The following MITF variants were observed in gnomAD, a reference collection of about 807,000 sequenced individuals.
MITF encodes microphthalmia-associated transcription factor.
Under a neutral mutation model 60.5 loss-of-function variants are expected in MITF, and 17 were observed. The observed-to-expected ratio is 0.28, with a 90% CI of 0.19 to 0.42. MITF has a LOEUF of 0.42. Among genes scored for constraint, MITF ranks in the 10% least tolerant of loss-of-function variants. The pLI is 1.00. For missense variants in MITF, 622 were observed against 683.5 expected (o/e 0.91, Z 1.00); for synonymous variants, 260 against 248.5 (o/e 1.05, Z -0.43).
rs34396439 is a variant in MITF at position 69,802,683 on chromosome 3, C to CT, written c.104+63008dup. ...TGTGTGCTAGTCCACAGTCCATATT[C>CT]TTTTTTTTTTTTTTTTTTTTTTTTT... is the stretch of plus-strand genomic sequence containing the variant. On this transcript the variant is annotated intron_variant, in intron 1 of 9. Coordinates refer to ENST00000352241, the MANE Select transcript of MITF (RefSeq NM_001354604.2). Among the ~76,000 whole-genome samples, 391 of 66,244 alleles carry CT rather than the reference C, an allele frequency of 5.9e-3. 12 individuals carry two copies. Among genetic ancestry groups the CT allele is most frequent in the African/African-American group, 8.0e-3 (120 of 15,060 alleles). 43.5% of individuals were successfully genotyped at this position (66,244 alleles called of 152,430 possible).
chr3:69,963,420 C>T (rs2107548050), intron 9 of MITF, among the ~76,000 whole-genome samples: 1 of 152,224 alleles, frequency 6.6e-6, no homozygotes, highest in Admixed American at 6.5e-5. Flanking sequence ...ATCTTTTTAC[C>T]ATCCCCCTAG....
At chr3:69,875,540 G>A (rs745866574) in intron 1 of MITF, among the ~76,000 whole-genome samples, 32 of 152,126 alleles carry the variant, frequency 2.1e-4, no homozygotes, top group Non-Finnish European at 4.0e-4. Context: ...ATTATCTAGC[G>A]AAGATTCAGC....
At chr3:69,861,738 T>C (rs2064020464) in intron 1 of MITF, among the ~76,000 whole-genome samples, 1 of 152,180 alleles carries the variant, frequency 6.6e-6, no homozygotes, top group Admixed American at 6.5e-5. Flanking sequence ...ACACACATGC[T>C]GGGAAAACTA....
At chr3:69,866,494 T>C in intron 1 of MITF, 1 of 878,242 alleles carries the variant, frequency 1.1e-6, no homozygotes, top group South Asian at 1.9e-5. Flanking sequence ...TTTAATCAGC[T>C]TCAGCTGTAA....
intron 1 of MITF, among the ~76,000 whole-genome samples, chr3:69,754,927 G>C (rs568153719): frequency 3.1e-4 from 47 of 152,218 alleles, no homozygotes; most frequent in African/African-American, 1.1e-3. Context: ...GTGGGGGTTG[G>C]GGGGAGAGGA....
intron 1 of MITF, among the ~76,000 whole-genome samples, chr3:69,811,609 A>G (rs1398025794): frequency 6.6e-6 from 1 of 152,210 alleles, no homozygotes; most frequent in Non-Finnish European, 1.5e-5. Context: ...TTCCTTTGCC[A>G]CAGCTAATCA....
At chr3:69,914,431 CT>C (rs2065290084) in intron 2 of MITF, among the ~76,000 whole-genome samples, 1 of 152,124 alleles carries the variant, frequency 6.6e-6, no homozygotes, top group African/African-American at 2.4e-5. Context: ...CTGAACAACT[CT>C]GTTTTTGAGG....
intron 4 of MITF, among the ~76,000 whole-genome samples, chr3:69,940,264 C>A (rs2065939090): frequency 6.6e-6 from 1 of 152,122 alleles, no homozygotes; most frequent in Non-Finnish European, 1.5e-5. Context: ...GGATTCTCTC[C>A]TCTTTAATGG....
intron 2 of MITF, among the ~76,000 whole-genome samples, chr3:69,926,483 A>C (rs115699516): frequency 2.0e-5 from 3 of 152,122 alleles, no homozygotes; most frequent in African/African-American, 7.2e-5. Flanking sequence ...GTCGGTACTT[A>C]TGAGAAGGAG....
chr3:69,965,573 T>C lies in MITF; in HGVS notation c.*325T>C, dbSNP rs957700144. On this transcript the variant is annotated 3_prime_UTR_variant, in exon 10 of 10. Transcript: ENST00000352241. Reference sequence around the variant, plus strand: ...TGTCCATTTTTATTCAGGGGAAACTTGATTTGAGATTTTTATGCCTGTGAC... The same window carrying C: ...TGTCCATTTTTATTCAGGGGAAACTCGATTTGAGATTTTTATGCCTGTGAC... 2 of 263,120 alleles carry C rather than the reference T, an allele frequency of 7.6e-6. No homozygotes were observed. Among genetic ancestry groups the C allele is most frequent in the Admixed American group, 9.7e-5 (2 of 20,574 alleles). 16.3% of individuals were successfully genotyped at this position (263,120 alleles called of 1,614,324 possible).
intron 1 of MITF, among the ~76,000 whole-genome samples, chr3:69,753,066 C>A (rs931034074): frequency 6.6e-6 from 1 of 152,248 alleles, no homozygotes; most frequent in Non-Finnish European, 1.5e-5. Context: ...CCATCATGGG[C>A]CCAGAAGCCT....
chr3:69,913,672 T>C (rs1357142296), intron 2 of MITF, among the ~76,000 whole-genome samples: 1 of 152,160 alleles, frequency 6.6e-6, no homozygotes, highest in Non-Finnish European at 1.5e-5. Context: ...GCACAGCTCA[T>C]TGGACAGGAA....
At chr3:69,953,278 G>A (rs2066302136) in intron 7 of MITF, among the ~76,000 whole-genome samples, 2 of 152,074 alleles carry the variant, frequency 1.3e-5, no homozygotes, top group African/African-American at 4.8e-5. Context: ...AACTACTTAA[G>A]TGAGATGTGG....
At chr3:69,830,695 G>C (rs1421943400) in intron 1 of MITF, among the ~76,000 whole-genome samples, 3 of 152,128 alleles carry the variant, frequency 2.0e-5, no homozygotes, top group East Asian at 3.9e-4. Flanking sequence ...TGGGTGCTCA[G>C]TAAATGAAAA....
chr3:69,846,971 C>G (rs186968604), intron 1 of MITF, among the ~76,000 whole-genome samples: 1 of 151,800 alleles, frequency 6.6e-6, no homozygotes, highest in East Asian at 1.9e-4. Context: ...ATATTTTCTG[C>G]ACTTAGCAAG....
intron 1 of MITF, among the ~76,000 whole-genome samples, chr3:69,834,543 A>G (rs571034383): frequency 1.3e-5 from 2 of 152,246 alleles, no homozygotes; most frequent in Non-Finnish European, 2.9e-5. Context: ...CATTCTGTAT[A>G]TATACTACAT....
At chr3:69,964,107 G>C (rs989142600) in intron 9 of MITF, among the ~76,000 whole-genome samples, 4 of 151,032 alleles carry the variant, frequency 2.6e-5, no homozygotes, top group Non-Finnish European at 4.4e-5. Context: ...CTCCCAAGTA[G>C]CTGGGATTAC....
At chr3:69,798,910 A>C (rs530911970) in intron 1 of MITF, among the ~76,000 whole-genome samples, 1 of 152,184 alleles carries the variant, frequency 6.6e-6, no homozygotes, top group South Asian at 2.1e-4. Flanking sequence ...CATCACCTTC[A>C]TTTTGCCTTG....
At chr3:69,768,421 G>C (rs544095003) in intron 1 of MITF, among the ~76,000 whole-genome samples, 4 of 152,266 alleles carry the variant, frequency 2.6e-5, no homozygotes, top group African/African-American at 9.6e-5. Flanking sequence ...AGGCATATGA[G>C]GATTCCCATA....
Sources: allele counts gnomAD v4.1 joint callset (sites outside exome capture counted in the v4.1 genomes callset), GRCh38; gene constraint gnomAD v4.1.1; transcripts MANE v1.5; gene names NCBI Gene and HGNC (gene_info 2026-07-23, HGNC 2026-07-21).